Variants in COMMD2 observed in about 807,000 individuals in gnomAD.
The protein encoded by COMMD2 is COMM domain-containing protein 2.
In COMMD2, 25 loss-of-function variants were observed where a neutral mutation model predicts 22.5. The observed-to-expected ratio is 1.11, with a 90% confidence interval of 0.81 to 1.55. The LOEUF is 1.55. Ranked by LOEUF, COMMD2 falls within the 40% of genes most tolerant of loss-of-function variation. The probability of loss-of-function intolerance (pLI) is 0.00; values close to 1 mark genes in which losing one functional copy is unlikely to be tolerated. For missense variants in COMMD2, 223 were observed against 232.9 expected, an observed-to-expected ratio of 0.96 and a Z score of 0.28; for synonymous variants, 98 against 91.2, an observed-to-expected ratio of 1.07 and a Z score of -0.42.
chr3:149,750,477 C>A (rs1205474013), intron 4 of COMMD2: 2 of 550,394 alleles, frequency 3.6e-6, no homozygotes, highest in African/African-American at 3.8e-5. Context: ...CAATTTCTTA[C>A]AAACTTTGCA....
chr3:149,747,140 T>A (rs1043561056), intron 4 of COMMD2, among the ~76,000 whole-genome samples: 2 of 152,220 alleles, frequency 1.3e-5, no homozygotes, highest in Admixed American at 6.5e-5. Context: ...ATATTGCCTT[T>A]GAATGCTTAT....
intron 4 of COMMD2, among the ~76,000 whole-genome samples, chr3:149,742,498 C>A (rs75048183): frequency 0.019 from 2,916 of 151,804 alleles, 104 homozygotes; most frequent in East Asian, 0.13. Context: ...AATAGATAAA[C>A]CAAGAATAAT....
Position 149,752,467 on chromosome 3 carries a change from C to A in COMMD2, c.-23G>T. On this transcript the variant is annotated 5_prime_UTR_variant, in exon 1 of 5. Transcript: ENST00000473414. ...CATCTTCACTGTCCTACGATTTCAC[C>A]CGGCAGCGCCGACCCCGCCTTCGCC... 6.2e-7 allele frequency: 1 copy of A among 1,601,918 alleles called. No homozygotes were observed. Among genetic ancestry groups the A allele is most frequent in the Non-Finnish European group, 8.5e-7 (1 of 1,173,196 alleles).
chr3:149,743,293 A>G (rs986718508), intron 4 of COMMD2, among the ~76,000 whole-genome samples: 1 of 152,346 alleles, frequency 6.6e-6, no homozygotes, highest in African/African-American at 2.4e-5. Context: ...ATTCTCCATT[A>G]AAAGGAACCA....
rs184044253 is a variant in COMMD2 at position 149,743,288 on chromosome 3, C to T, written c.403-1570G>A. ...AAGGTCCTTTCAATCTTTAGATTCT[C>T]CATTAAAAGGAACCAGGACTATCCA... On this transcript the variant is annotated intron_variant, in intron 4 of 4. Coordinates refer to ENST00000473414, the MANE Select transcript of COMMD2 (RefSeq NM_016094.4). Among the ~76,000 whole-genome samples the T allele has an allele frequency of 3.5e-3, 535 of 152,202 alleles. 4 individuals carry two copies. Among genetic ancestry groups the T allele is most frequent in the African/African-American group, 0.013 (522 of 41,526 alleles).
chr3:149,740,593 TATC>T lies in COMMD2; in HGVS notation c.*925_*927del, dbSNP rs540810328. On this transcript the variant is annotated 3_prime_UTR_variant, in exon 5 of 5. Transcript: ENST00000473414. ...ACTCAAACTTAGGCAATATGATACTTATCATCTTCATATACAAAGAAAAATGAA... is the reference window on the plus strand; with the variant it reads ...ACTCAAACTTAGGCAATATGATACTTATCTTCATATACAAAGAAAAATGAA... The T allele has an allele frequency of 7.1e-4, 108 of 152,328 alleles. No individual in the cohort carries two copies. The highest frequency in any genetic ancestry group is 2.3e-3 in the African/African-American group (96 of 41,582). The allele number at this position is 152,328 out of a possible 1,614,324, so 9.4% of individuals were successfully genotyped here.
chr3:149,741,681 G>A lies in COMMD2; in HGVS notation c.440C>T (p.Ala147Val). The A allele has an allele frequency of 6.2e-7, 1 of 1,613,920 alleles. No homozygotes were observed. Residue 147 changes from alanine to valine, a missense_variant, in exon 5 of 5, where the codon GCA becomes GTA. Transcript: ENST00000473414. The stretch of plus-strand genomic sequence containing the variant: ...ATTAAGGTGTAGCTTTATAGTCACT[G>A]CTGGTTTAATCTGTTGCCTGAGACT... ...SRSLRQQIKP[A>V]VTIKLHLNQN...
At position 149,746,465 on chromosome 3, in the gene COMMD2, G is replaced by A. The variant is rs185616580; in HGVS notation, c.402+4213C>T. 2.3e-3 allele frequency among the ~76,000 whole-genome samples: 344 copies of A among 152,228 alleles called. 2 individuals carry two copies. The highest frequency in any genetic ancestry group is 3.6e-3 in the Non-Finnish European group (243 of 68,000). Reference sequence around the variant, plus strand: ...CTCACACTGTTATGAAGAAATAACCGAGACTGGGTAATTTATAAAGAAAAG... The same window carrying A: ...CTCACACTGTTATGAAGAAATAACCAAGACTGGGTAATTTATAAAGAAAAG... On this transcript the variant is annotated intron_variant, in intron 4 of 4. Transcript: ENST00000473414.
chr3:149,752,079 C>A, intron 2 of COMMD2, 131 bp downstream of exon 2: 1 of 729,934 alleles, frequency 1.4e-6, no homozygotes, highest in Non-Finnish European at 2.3e-6. Flanking sequence ...CTGAAGAGCT[C>A]TGCTGGTTTT....
chr3:149,750,813 C>T lies in COMMD2; in HGVS notation c.267G>A (p.Leu89=), dbSNP rs1485014311. ...ATTTGTTTAATTCTTCAGAGAATCC[C>T]AGAACAAAAACAGAGTCTTGGAAAT... The part of the protein sequence containing the change: ...ELDFQDSVFV[L]GFSEELNKLL... The change falls in exon 4 of 5, where the codon CTG becomes CTA. Residue 89 remains leucine (L), a synonymous_variant. Transcript: ENST00000473414. 6.3e-7 allele frequency: 1 copy of T among 1,596,688 alleles called. No homozygotes were observed. Among genetic ancestry groups the T allele is most frequent in the South Asian group, 1.1e-5 (1 of 88,028 alleles).
At position 149,740,549 on chromosome 3, in the gene COMMD2, CAATT is replaced by C. The variant is rs1281657217; in HGVS notation, c.*968_*971del. On this transcript the variant is annotated 3_prime_UTR_variant, in exon 5 of 5. Transcript: ENST00000473414. ...ACACAAATTTGAGTACTATTTAAGC[CAATT>C]AATTAACCATGATCACTCAAACTTA... 4 of 152,014 alleles carry C rather than the reference CAATT, an allele frequency of 2.6e-5. No homozygotes were observed. The highest frequency in any genetic ancestry group is 4.4e-5 in the Non-Finnish European group (3 of 67,986). The allele number at this position is 152,014 out of a possible 1,614,324, so 9.4% of individuals were successfully genotyped here.
chr3:149,750,122 C>T (rs1239698276), intron 4 of COMMD2: 2 of 174,940 alleles, frequency 1.1e-5, no homozygotes, highest in African/African-American at 4.8e-5. Flanking sequence ...TTAAAATCAA[C>T]TGAAAGATGA....
intron 4 of COMMD2, among the ~76,000 whole-genome samples, chr3:149,747,699 G>A (rs1716417483): frequency 1.3e-5 from 2 of 152,188 alleles, no homozygotes; most frequent in African/African-American, 4.8e-5. Context: ...CACTTGGGGA[G>A]GCTGAGGCAG....
chr3:149,751,717 C>A (rs1007493973), intron 2 of COMMD2: 1 of 382,378 alleles, frequency 2.6e-6, no homozygotes, highest in Non-Finnish European at 4.7e-6. Flanking sequence ...AGACTAGTAT[C>A]AGGTGCGTAG....
intron 4 of COMMD2, among the ~76,000 whole-genome samples, chr3:149,744,927 C>T (rs922300622): frequency 1.3e-5 from 2 of 152,144 alleles, no homozygotes; most frequent in Non-Finnish European, 2.9e-5. Context: ...AATGAGCCCT[C>T]GAGTTTAATT....
At chr3:149,751,118 A>G (rs985677760) in intron 3 of COMMD2, among the ~76,000 whole-genome samples, 2 of 152,176 alleles carry the variant, frequency 1.3e-5, no homozygotes, top group African/African-American at 4.8e-5. Flanking sequence ...CAAACAAAAT[A>G]CTGATACAGT....
chr3:149,742,086 T>A (rs962125964), intron 4 of COMMD2, among the ~76,000 whole-genome samples: 1 of 152,006 alleles, frequency 6.6e-6, no homozygotes, highest in African/African-American at 2.4e-5. Context: ...GTATCCAGAA[T>A]GTGTGAACTC....
Position 149,738,598 on chromosome 3 carries a change from T to C in COMMD2, c.*2923A>G, listed in dbSNP as rs1002324532. 2 of 152,068 alleles carry C rather than the reference T, an allele frequency of 1.3e-5. No homozygotes were observed. The highest frequency in any genetic ancestry group is 2.9e-5 in the Non-Finnish European group (2 of 67,950). The allele number at this position is 152,068 out of a possible 1,614,324, so 9.4% of individuals were successfully genotyped here. ...GGTAGGTAATCCTATATTCCTATTTTAGAGATGAACAAAAAAAAAGGCTTT... is the reference window on the plus strand; with the variant it reads ...GGTAGGTAATCCTATATTCCTATTTCAGAGATGAACAAAAAAAAAGGCTTT... On this transcript the variant is annotated 3_prime_UTR_variant, in exon 5 of 5. Coordinates refer to ENST00000473414, the MANE Select transcript of COMMD2 (RefSeq NM_016094.4).
In COMMD2 at chr3:149,742,837, G is replaced by A. The variant is rs150556446; in HGVS notation, c.403-1119C>T. Reference sequence around the variant, plus strand: ...CAAAAATTAGCTGGCATGGTGGCACGCGCCTGTAGTCCCAGCTACTTGGGA... The same window carrying A: ...CAAAAATTAGCTGGCATGGTGGCACACGCCTGTAGTCCCAGCTACTTGGGA... On this transcript the variant is annotated intron_variant, in intron 4 of 4. Transcript: ENST00000473414. Among the ~76,000 whole-genome samples the A allele has an allele frequency of 8.9e-3, 1,347 of 151,916 alleles. 12 individuals carry two copies. Among genetic ancestry groups the A allele is most frequent in the African/African-American group, 0.031 (1,289 of 41,448 alleles).
Sources: gnomAD v4.1 joint callset for allele counts (sites outside exome capture counted in the v4.1 genomes callset) on GRCh38, gnomAD v4.1.1 for gene constraint, MANE v1.5 for transcripts, NCBI Gene and HGNC (gene_info 2026-07-23, HGNC 2026-07-21) for gene names.